Variants in APOH observed in about 807,000 individuals in gnomAD.
APOH encodes apolipoprotein H.
APOH carries 48 observed loss-of-function variants against 39.8 expected under a neutral mutation model. The observed-to-expected ratio is 1.21, with a 90% confidence interval of 0.96 to 1.54. The LOEUF is 1.54. APOH is among the 40% of genes most tolerant of loss of function. The probability of loss-of-function intolerance (pLI) is 0.00; values close to 1 mark genes in which losing one functional copy is unlikely to be tolerated. For synonymous variants in APOH, 153 were observed against 151.1 expected (o/e 1.01, Z -0.09); for missense variants, 415 against 421.2 (o/e 0.99, Z 0.13).
At chr17:66,212,510 G>A (rs373452711) in intron 7 of APOH, among the ~76,000 whole-genome samples, 8 of 152,004 alleles carry the variant, frequency 5.3e-5, no homozygotes, top group African/African-American at 1.7e-4. Context: ...TCAGCCTCCC[G>A]AGTAGCTGGG....
rs776349608 is a variant in APOH, at chr17:66,223,725, A to C, written c.388T>G (p.Trp130Gly). 3.7e-6 allele frequency: 6 copies of C among 1,614,032 alleles called. No individual in the cohort carries two copies. The Admixed American group carries it at 6.7e-5, about 18-fold the overall frequency. ...GCACAGACAGGAAGCTCCGGGCTCC[A>C]TTTTCCTTCCTCAGTGCACTTGGCA... ...DSAKCTEEGK[W>G]SPELPVCAPI... is the part of the protein sequence containing the mutation. The change falls in exon 4 of 8, where the codon TGG becomes GGG. Residue 130 changes from tryptophan to glycine, a missense_variant. Trp to Gly is a radical substitution (Grantham distance 184). Around this residue, in one of 3 missense-constraint regions of APOH, gnomAD observed 288 missense variants for 284.9 expected, o/e 1.01. Coordinates refer to ENST00000205948, the MANE Select transcript of APOH (RefSeq NM_000042.3).
At chr17:66,213,970 G>C (rs905740988) in intron 7 of APOH, among the ~76,000 whole-genome samples, 1 of 151,938 alleles carries the variant, frequency 6.6e-6, no homozygotes, top group African/African-American at 2.4e-5. Flanking sequence ...AAATGCAAGT[G>C]GGGACGCCAT....
intron 3 of APOH, among the ~76,000 whole-genome samples, chr17:66,224,903 C>T (rs1598553843): frequency 6.6e-6 from 1 of 151,800 alleles, no homozygotes; most frequent in Admixed American, 6.6e-5. Flanking sequence ...CCCATCTCTA[C>T]TAAAAATACA....
rs554757868 is a variant in APOH at position 66,219,656 on chromosome 17, C to T, written c.604+898G>A. Among the ~76,000 whole-genome samples the T allele has an allele frequency of 4.6e-5, 7 of 152,302 alleles. No individual in the cohort carries two copies. The South Asian group carries it at 1.5e-3, about 32-fold the overall frequency. On this transcript the variant is annotated intron_variant, in intron 5 of 7. Transcript: ENST00000205948. ...ACTCTTGGCCAGGAGCAGTGGCTTA[C>T]ACCTGTAAGCCCAGCACTTTGAGAG... is the stretch of plus-strand genomic sequence containing the variant.
At chr17:66,214,091 G>A (rs528400737) in intron 7 of APOH, among the ~76,000 whole-genome samples, 6 of 152,160 alleles carry the variant, frequency 3.9e-5, no homozygotes, top group Admixed American at 2.0e-4. Context: ...ACGGAGTTTC[G>A]CTCTGTTGCC....
chr17:66,226,326 A>G (rs1364377583), intron 2 of APOH, among the ~76,000 whole-genome samples: 1 of 152,232 alleles, frequency 6.6e-6, no homozygotes, highest in Non-Finnish European at 1.5e-5. Flanking sequence ...CGTTCATTAT[A>G]CTGTTTCTCC....
intron 2 of APOH, among the ~76,000 whole-genome samples, chr17:66,227,603 G>A (rs1375200597): frequency 6.6e-6 from 1 of 152,062 alleles, no homozygotes; most frequent in African/African-American, 2.4e-5. Flanking sequence ...GATGAAATTT[G>A]TATTCATTTC....
rs1567737714 is a variant in APOH at position 66,214,462 on chromosome 17, A to AT, written c.972dup (p.Cys325MetfsTer14). The AT allele has an allele frequency of 6.2e-7, 1 of 1,613,736 alleles. No homozygotes were observed. Among genetic ancestry groups the AT allele is most frequent in the South Asian group, 1.1e-5 (1 of 91,046 alleles). Reference sequence around the variant, plus strand: ...TCCAATGCAGACTTACCCTTGAAGCATTTGGGGACTTCGATAGTGCCATCT... The same window carrying AT: ...TCCAATGCAGACTTACCCTTGAAGCATTTTGGGGACTTCGATAGTGCCATCT... On this transcript the variant is annotated frameshift_variant, in exon 7 of 8. Coordinates refer to ENST00000205948, the MANE Select transcript of APOH (RefSeq NM_000042.3). LOFTEE classifies it high-confidence loss of function.
rs1225681015 is a variant in APOH at position 66,214,507 on chromosome 17, T to A, written c.928A>T (p.Thr310Ser). ...CCATCTATACACTGAGCATCCTCTG[T>A]ATAGCTACACTTCTTTTCCTTATTT... The part of the protein sequence containing the change: ...CKNKEKKCSY[T>S]EDAQCIDGTI... Residue 310 changes from threonine (T) to serine (S), a missense_variant, in exon 7 of 8, where the codon ACA becomes TCA. By Grantham distance (58) the Thr-to-Ser change is moderately conservative. Transcript: ENST00000205948. The A allele has an allele frequency of 1.9e-6, 3 of 1,614,070 alleles. No individual in the cohort carries two copies. Among genetic ancestry groups the A allele is most frequent in the South Asian group, 2.2e-5 (2 of 91,086 alleles).
chr17:66,221,263 A>G (rs1025949809), intron 4 of APOH, among the ~76,000 whole-genome samples: 1 of 122,734 alleles, frequency 8.1e-6, no homozygotes, highest in Non-Finnish European at 1.8e-5. Flanking sequence ...GAGAGAGAGA[A>G]AGAAAGGAAG....
intron 1 of APOH, 93 bp from the exon 2 acceptor site, chr17:66,228,289 C>T (rs2073451990): frequency 1.5e-6 from 2 of 1,379,102 alleles, no homozygotes; most frequent in South Asian, 1.3e-5. Flanking sequence ...TGTACTGTTA[C>T]CAATTATAAG....
intron 4 of APOH, among the ~76,000 whole-genome samples, chr17:66,221,045 G>C (rs1052483334): frequency 1.3e-5 from 2 of 151,636 alleles, no homozygotes; most frequent in Non-Finnish European, 2.9e-5. Flanking sequence ...ATACAAAAAT[G>C]AGCCAGGCAT....
intron 4 of APOH, among the ~76,000 whole-genome samples, chr17:66,222,258 G>A (rs781560535): frequency 1.6e-4 from 24 of 151,874 alleles, no homozygotes; most frequent in South Asian, 1.0e-3. Context: ...ATCTGGTGGC[G>A]CTCATCTATA....
In APOH at chr17:66,212,312, A is replaced by T. The variant is rs935741938; in HGVS notation, c.983-124T>A. 23 of 732,886 alleles carry T rather than the reference A, an allele frequency of 3.1e-5. No individual in the cohort carries two copies. The African/African-American group carries it at 3.2e-4, about 10-fold the overall frequency. The allele number at this position is 732,886 out of a possible 1,614,324, so 45.4% of individuals were successfully genotyped here. ...GAATACATGTGATTATGTGAATGAA[A>T]CCATTTAGTGTGAGGTTTAAGTGAT... is the stretch of plus-strand genomic sequence containing the variant. On this transcript the variant is annotated intron_variant, in intron 7 of 7. Coordinates refer to ENST00000205948, the MANE Select transcript of APOH (RefSeq NM_000042.3).
At chr17:66,221,728 G>T (rs1239630922) in intron 4 of APOH, among the ~76,000 whole-genome samples, 1 of 152,138 alleles carries the variant, frequency 6.6e-6, no homozygotes. Context: ...TATGGATGGA[G>T]CTTACCCAAG....
chr17:66,224,485 A>AAAG (rs1555572795), intron 3 of APOH, among the ~76,000 whole-genome samples: 2 of 133,484 alleles, frequency 1.5e-5, no homozygotes, highest in African/African-American at 2.6e-5. Context: ...AAAAAAAAAA[A>AAAG]AAAAAAGAAA....
intron 7 of APOH, among the ~76,000 whole-genome samples, chr17:66,212,881 T>C (rs2073344370): frequency 6.6e-6 from 1 of 152,266 alleles, no homozygotes; most frequent in African/African-American, 2.4e-5. Flanking sequence ...ACATTTTTTC[T>C]ACTGATTTTT....
rs1195036768 is a variant in APOH at position 66,212,070 on chromosome 17, A to G, written c.*63T>C. 2.1e-6 allele frequency: 3 copies of G among 1,400,270 alleles called. No individual in the cohort carries two copies. In the East Asian group the frequency reaches 6.9e-5, roughly 32 times the overall value. 86.7% of individuals were successfully genotyped at this position (1,400,270 alleles called of 1,614,324 possible). On this transcript the variant is annotated 3_prime_UTR_variant, in exon 8 of 8. Coordinates refer to ENST00000205948, the MANE Select transcript of APOH (RefSeq NM_000042.3). ...TTCAGTAGCTTTATTTTTAAATTTC[A>G]ATTAGGTTCCTTGGATGAACAAGAA... is the stretch of plus-strand genomic sequence containing the variant.
chr17:66,226,891 A>ATT lies in APOH; in HGVS notation c.242-769_242-768dup, dbSNP rs1314489486. ...TAGCTGATTTTTATTTTATTTATTT[A>ATT]TTTATTTTTTTTTTTGAGACAGAGT... On this transcript the variant is annotated intron_variant, in intron 2 of 7. Transcript: ENST00000205948. Among the ~76,000 whole-genome samples the ATT allele has an allele frequency of 1.8e-3, 173 of 96,642 alleles. 1 individual carries two copies. Among genetic ancestry groups the ATT allele is most frequent in the East Asian group, 8.1e-3 (13 of 1,614 alleles). 63.4% of individuals were successfully genotyped at this position (96,642 alleles called of 152,430 possible).
Sources: allele counts gnomAD v4.1 joint callset (sites outside exome capture counted in the v4.1 genomes callset), GRCh38; gene constraint gnomAD v4.1.1; regional missense constraint gnomAD v4.1.1; transcripts MANE v1.5; gene names NCBI Gene and HGNC (gene_info 2026-07-23, HGNC 2026-07-21).